The following LRP1B variants were observed in gnomAD, a reference collection of about 807,000 sequenced individuals.
The protein encoded by LRP1B is low-density lipoprotein receptor-related protein 1B.
A neutral mutation model predicts 556.6 loss-of-function variants in LRP1B; 217 were observed. The observed-to-expected ratio is 0.39, with a 90% CI of 0.35 to 0.44. The LOEUF is 0.44. Ranked by LOEUF, LRP1B falls within the 20% of genes least tolerant of loss-of-function variation. LRP1B has a pLI of 1.00. For missense variants in LRP1B, 5,053 were observed against 5,620.8 expected, an observed-to-expected ratio of 0.90 and a Z score of 3.23; for synonymous variants, 2,047 against 1,865.8, an observed-to-expected ratio of 1.10 and a Z score of -2.50.
chr2:141,300,227 G>A (rs1384653244), intron 3 of LRP1B, among the ~76,000 whole-genome samples: 1 of 152,142 alleles, frequency 6.6e-6, no homozygotes, highest in Non-Finnish European at 1.5e-5. Flanking sequence ...ATGGTACTCT[G>A]TGATATCAGC....
At chr2:140,695,470 A>C (rs1176854134) in intron 41 of LRP1B, among the ~76,000 whole-genome samples, 2 of 152,014 alleles carry the variant, frequency 1.3e-5, no homozygotes, top group Non-Finnish European at 2.9e-5. Context: ...CCTTGGATTA[A>C]GTAAATTCTT....
intron 1 of LRP1B, among the ~76,000 whole-genome samples, chr2:142,089,380 G>T (rs1404543473): frequency 6.6e-6 from 1 of 152,128 alleles, no homozygotes. Flanking sequence ...AGACCAAAAC[G>T]TCTTGCAACT....
intron 1 of LRP1B, among the ~76,000 whole-genome samples, chr2:141,819,184 G>C (rs1696670423): frequency 6.6e-6 from 1 of 151,936 alleles, no homozygotes; most frequent in Non-Finnish European, 1.5e-5. Flanking sequence ...GTTGCAGTGA[G>C]CTGAGATCAC....
At chr2:141,824,712 T>C (rs1574402471) in intron 1 of LRP1B, among the ~76,000 whole-genome samples, 1 of 152,196 alleles carries the variant, frequency 6.6e-6, no homozygotes, top group East Asian at 1.9e-4. Context: ...AACCTTACAT[T>C]TTCTAAACAG....
intron 2 of LRP1B, among the ~76,000 whole-genome samples, chr2:141,746,178 A>G (rs573937076): frequency 2.0e-5 from 3 of 152,134 alleles, no homozygotes; most frequent in East Asian, 3.9e-4. Context: ...CGTGCCCCCA[A>G]GTCCACTGGC....
At chr2:141,556,608 A>G (rs1374036528) in intron 2 of LRP1B, among the ~76,000 whole-genome samples, 1 of 151,942 alleles carries the variant, frequency 6.6e-6, no homozygotes, top group Admixed American at 6.6e-5. Flanking sequence ...TTTATTAGAT[A>G]CAAATAGATC....
rs115535360 is a variant in LRP1B at position 141,307,588 on chromosome 2, T to G, written c.344-52947A>C. Among the ~76,000 whole-genome samples, 731 of 152,242 alleles carry G rather than the reference T, an allele frequency of 4.8e-3. 6 individuals are homozygous for G. Among genetic ancestry groups the G allele is most frequent in the African/African-American group, 0.017 (700 of 41,532 alleles). ...ATTCAGCTAGTCTATTTCTTTTCAG[T>G]GGAAAGTTTAACCTGTTTACATCCA... On this transcript the variant is annotated intron_variant, in intron 3 of 90. Coordinates refer to ENST00000389484, the MANE Select transcript of LRP1B (RefSeq NM_018557.3).
At chr2:140,806,623 G>A (rs1690725734) in intron 32 of LRP1B, among the ~76,000 whole-genome samples, 1 of 152,096 alleles carries the variant, frequency 6.6e-6, no homozygotes, top group African/African-American at 2.4e-5. Context: ...AATGTCAAGA[G>A]CATCTGTGAT....
Position 141,950,734 on chromosome 2 carries a change from T to C in LRP1B, c.83-140333A>G, listed in dbSNP as rs116050252. The stretch of plus-strand genomic sequence containing the variant: ...TCTTCAGTTCTCTTTTCATCATCTT[T>C]TTTGAATTTAAAAATATTACTTCAA... On this transcript the variant is annotated intron_variant, in intron 1 of 90. Coordinates refer to ENST00000389484, the MANE Select transcript of LRP1B (RefSeq NM_018557.3). Among the ~76,000 whole-genome samples, 169 of 152,276 alleles carry C rather than the reference T, an allele frequency of 1.1e-3. 1 individual carries two copies. Among genetic ancestry groups the C allele is most frequent in the African/African-American group, 3.9e-3 (161 of 41,566 alleles).
intron 87 of LRP1B, among the ~76,000 whole-genome samples, chr2:140,241,929 AG>A (rs947557975): frequency 6.6e-6 from 1 of 150,934 alleles, no homozygotes; most frequent in Non-Finnish European, 1.5e-5. Context: ...GTACTTATTA[AG>A]GGTGGAGGGG....
At chr2:141,137,834 T>C (rs534397245) in intron 7 of LRP1B, among the ~76,000 whole-genome samples, 40 of 152,030 alleles carry the variant, frequency 2.6e-4, no homozygotes, top group South Asian at 8.3e-4. Flanking sequence ...AGGTAGATAT[T>C]GTTACAACAC....
chr2:141,248,999 G>C (rs960819876), intron 4 of LRP1B, among the ~76,000 whole-genome samples: 3 of 152,146 alleles, frequency 2.0e-5, no homozygotes, highest in Non-Finnish European at 4.4e-5. Flanking sequence ...TTTTGAAATA[G>C]AGGATGTAAG....
At chr2:140,728,545 A>G (rs957948325) in intron 35 of LRP1B, among the ~76,000 whole-genome samples, 6 of 152,082 alleles carry the variant, frequency 3.9e-5, no homozygotes, top group African/African-American at 4.8e-5. Context: ...TTTCACTTTT[A>G]TTTTTCAGTA....
intron 41 of LRP1B, among the ~76,000 whole-genome samples, chr2:140,634,141 C>T (rs1271309019): frequency 1.3e-5 from 2 of 152,034 alleles, no homozygotes; most frequent in East Asian, 1.9e-4. Context: ...AAGACCAGCT[C>T]AACATTTCAA....
At chr2:141,415,811 G>T (rs372683371) in intron 3 of LRP1B, among the ~76,000 whole-genome samples, 1 of 152,042 alleles carries the variant, frequency 6.6e-6, no homozygotes, top group Non-Finnish European at 1.5e-5. Flanking sequence ...TGAAGTATGT[G>T]ATTGCAAAGA....
At chr2:140,446,931 TGGGTTA>T (rs1686684073) in intron 63 of LRP1B, among the ~76,000 whole-genome samples, 1 of 151,832 alleles carries the variant, frequency 6.6e-6, no homozygotes, top group African/African-American at 2.4e-5. Flanking sequence ...CATCTGCTAA[TGGGTTA>T]AAATCCAAAA....
At chr2:142,043,513 T>C (rs1704134556) in intron 1 of LRP1B, among the ~76,000 whole-genome samples, 1 of 151,396 alleles carries the variant, frequency 6.6e-6, no homozygotes, top group African/African-American at 2.4e-5. Flanking sequence ...GAGAAAAAAA[T>C]AGTGTTTATA....
chr2:141,020,444 G>C (rs1489295278), intron 11 of LRP1B, among the ~76,000 whole-genome samples: 4 of 152,016 alleles, frequency 2.6e-5, no homozygotes, highest in Non-Finnish European at 5.9e-5. Flanking sequence ...GAGCGAAAAA[G>C]CTTGAATATA....
At chr2:141,662,587 C>G (rs1690262324) in intron 2 of LRP1B, among the ~76,000 whole-genome samples, 1 of 152,074 alleles carries the variant, frequency 6.6e-6, no homozygotes, top group Admixed American at 6.5e-5. Context: ...ACAAAAAGGG[C>G]ATTACCTAAC....
Sources: gnomAD v4.1 joint callset for allele counts (sites outside exome capture counted in the v4.1 genomes callset) on GRCh38, gnomAD v4.1.1 for gene constraint, MANE v1.5 for transcripts, NCBI Gene and HGNC (gene_info 2026-07-23, HGNC 2026-07-21) for gene names.